ATP10A: variants seen among roughly 807,000 people sequenced by gnomAD.
ATP10A encodes the protein phospholipid-transporting ATPase VA.
A neutral mutation model predicts 147.8 loss-of-function variants in ATP10A; 111 were observed. The observed-to-expected ratio is 0.75, with a 90% CI of 0.64 to 0.88. ATP10A has a LOEUF of 0.88. Ranked by LOEUF, ATP10A falls within the 40% of genes least tolerant of loss-of-function variation. The pLI, the probability that ATP10A is intolerant of heterozygous loss-of-function variation, is 0.00. For missense variants in ATP10A, 1,927 were observed against 1,959.0 expected, an observed-to-expected ratio of 0.98 and a Z score of 0.31; for synonymous variants, 875 against 841.6, an observed-to-expected ratio of 1.04 and a Z score of -0.69.
chr15:25,716,605 A>T, intron 9 of ATP10A, 125 bp downstream of exon 9: 1 of 922,636 alleles, frequency 1.1e-6, no homozygotes, highest in Non-Finnish European at 1.6e-6. Flanking sequence ...CATCCCCCTT[A>T]GGTCACGATG....
chr15:25,778,347 T>C (rs1851312704), intron 2 of ATP10A, among the ~76,000 whole-genome samples: 1 of 152,218 alleles, frequency 6.6e-6, no homozygotes, highest in African/African-American at 2.4e-5. Context: ...TAAATGTTCT[T>C]GGCATTTGTG....
rs1411211776 is a variant in ATP10A, at chr15:25,708,284, C to G, written c.2361G>C (p.Arg787Ser). 6.2e-7 allele frequency: 1 copy of G among 1,614,084 alleles called. No individual in the cohort carries two copies. The highest frequency in any genetic ancestry group is 2.2e-5 in the East Asian group (1 of 44,858). ...QPCSSVDARG[R>S]HQKKIRSKTQ... ...TTTTGCTCCGAATCTTTTTTTGATG[C>G]CTCCCTCTGGCGTCAACTAGGTTGG... is the stretch of plus-strand genomic sequence containing the variant. The change falls in exon 11 of 21, where the codon AGG becomes AGC. Residue 787 changes from arginine (R) to serine (S), a missense_variant. Coordinates refer to ENST00000555815, the MANE Select transcript of ATP10A (RefSeq NM_024490.4).
At chr15:25,838,333 A>G (rs887035646) in intron 1 of ATP10A, among the ~76,000 whole-genome samples, 1 of 152,148 alleles carries the variant, frequency 6.6e-6, no homozygotes, top group African/African-American at 2.4e-5. Flanking sequence ...CTGGCACGCT[A>G]GGTGTCTGCC....
At chr15:25,823,036 C>T (rs879600570) in intron 1 of ATP10A, among the ~76,000 whole-genome samples, 1 of 151,594 alleles carries the variant, frequency 6.6e-6, no homozygotes, top group Non-Finnish European at 1.5e-5. Flanking sequence ...AATGTACAAA[C>T]TTTCAGAAAT....
chr15:25,829,306 C>T (rs1046141788), intron 1 of ATP10A, among the ~76,000 whole-genome samples: 2 of 152,140 alleles, frequency 1.3e-5, no homozygotes, highest in Non-Finnish European at 2.9e-5. Flanking sequence ...AGATCAGTGA[C>T]TTTCAGAGCT....
chr15:25,772,223 G>C (rs1436412534), intron 2 of ATP10A, among the ~76,000 whole-genome samples: 1 of 152,136 alleles, frequency 6.6e-6, no homozygotes, highest in African/African-American at 2.4e-5. Context: ...TCCAGGTTCT[G>C]GGCTGTGGCT....
At chr15:25,754,445 T>C (rs778210313) in intron 2 of ATP10A, among the ~76,000 whole-genome samples, 18 of 152,210 alleles carry the variant, frequency 1.2e-4, no homozygotes, top group Non-Finnish European at 1.5e-4. Flanking sequence ...TAAAGGGAAC[T>C]GACAGCAGTT....
chr15:25,803,862 C>T (rs1356596364), intron 1 of ATP10A, among the ~76,000 whole-genome samples: 1 of 152,258 alleles, frequency 6.6e-6, no homozygotes, highest in African/African-American at 2.4e-5. Flanking sequence ...CTCCCATCAC[C>T]TCTCCTGGCA....
At chr15:25,788,862 G>A (rs10220899) in intron 1 of ATP10A, among the ~76,000 whole-genome samples, 15,410 of 152,244 alleles carry the variant, frequency 0.1, 858 homozygotes, top group Non-Finnish European at 0.12. Context: ...TCCCTACAAA[G>A]AGAAAGCTCC....
At chr15:25,763,126 G>A (rs1195995897) in intron 2 of ATP10A, among the ~76,000 whole-genome samples, 1 of 152,018 alleles carries the variant, frequency 6.6e-6, no homozygotes, top group East Asian at 1.9e-4. Flanking sequence ...TTCAACTTAG[G>A]GAAAGGGAAG....
intron 10 of ATP10A, among the ~76,000 whole-genome samples, chr15:25,712,895 CA>C (rs1901529335): frequency 6.6e-6 from 1 of 152,188 alleles, no homozygotes; most frequent in African/African-American, 2.4e-5. Context: ...GCTTCTGTGC[CA>C]GGGGTCCTCT....
At chr15:25,780,517 C>T (rs1214296260) in intron 2 of ATP10A, among the ~76,000 whole-genome samples, 6 of 152,180 alleles carry the variant, frequency 3.9e-5, no homozygotes, top group Admixed American at 3.3e-4. Flanking sequence ...AGCTGTCACA[C>T]GTGCTTCCCT....
intron 1 of ATP10A, among the ~76,000 whole-genome samples, chr15:25,823,555 T>A (rs1004437047): frequency 6.6e-6 from 1 of 152,202 alleles, no homozygotes; most frequent in Non-Finnish European, 1.5e-5. Context: ...TTTCAAATGC[T>A]AAGATTTAAG....
At chr15:25,760,353 A>C (rs1232577742) in intron 2 of ATP10A, among the ~76,000 whole-genome samples, 1 of 152,244 alleles carries the variant, frequency 6.6e-6, no homozygotes, top group East Asian at 1.9e-4. Context: ...TAAAGTTCCT[A>C]GAAACCTATG....
chr15:25,805,919 A>C (rs1891159439), intron 1 of ATP10A, among the ~76,000 whole-genome samples: 1 of 152,264 alleles, frequency 6.6e-6, no homozygotes, highest in Non-Finnish European at 1.5e-5. Context: ...CAAGCCATTT[A>C]CCTTAATGAT....
intron 1 of ATP10A, among the ~76,000 whole-genome samples, chr15:25,835,801 T>C (rs1274478412): frequency 6.6e-6 from 1 of 152,114 alleles, no homozygotes; most frequent in Admixed American, 6.5e-5. Flanking sequence ...CCAGCTAATT[T>C]TTTATTTTAT....
At chr15:25,756,418 C>G (rs138054958) in intron 2 of ATP10A, among the ~76,000 whole-genome samples, 1 of 152,164 alleles carries the variant, frequency 6.6e-6, no homozygotes, top group East Asian at 1.9e-4. Flanking sequence ...CCGAGGCGAG[C>G]GGATCACCAG....
intron 1 of ATP10A, among the ~76,000 whole-genome samples, chr15:25,794,598 G>GT (rs1890578394): frequency 6.6e-6 from 1 of 152,218 alleles, no homozygotes; most frequent in Non-Finnish European, 1.5e-5. Context: ...ACAGTGTGCA[G>GT]TGACCTAAGA....
intron 16 of ATP10A, among the ~76,000 whole-genome samples, chr15:25,684,280 C>A (rs890713175): frequency 6.6e-5 from 10 of 152,180 alleles, no homozygotes; most frequent in African/African-American, 2.2e-4. Context: ...TGCATTTATA[C>A]GGTGGACATG....
Sources: gnomAD v4.1 joint callset for allele counts (sites outside exome capture counted in the v4.1 genomes callset) on GRCh38, gnomAD v4.1.1 for gene constraint, MANE v1.5 for transcripts, NCBI Gene and HGNC (gene_info 2026-07-23, HGNC 2026-07-21) for gene names.